CELF2: variants seen among roughly 807,000 people sequenced by gnomAD.
The protein encoded by CELF2 is CUGBP Elav-like family member 2.
A neutral mutation model predicts 62.6 loss-of-function variants in CELF2; 8 were observed. The observed-to-expected ratio is 0.13, with a 90% CI of 0.07 to 0.23. The LOEUF (loss-of-function observed/expected upper bound fraction) is 0.23, where lower values mean the gene tolerates loss of function less well. Ranked by LOEUF, CELF2 falls within the 10% of genes least tolerant of loss-of-function variation. The pLI, the probability that CELF2 is intolerant of heterozygous loss-of-function variation, is 1.00. For synonymous variants in CELF2, 258 were observed against 250.0 expected, an observed-to-expected ratio of 1.03 and a Z score of -0.30; for missense variants, 333 against 671.0, an observed-to-expected ratio of 0.50 and a Z score of 5.56.
chr10:10,969,882 G>C (rs557291546), intron 2 of CELF2, among the ~76,000 whole-genome samples: 61 of 152,272 alleles, frequency 4.0e-4, no homozygotes, highest in Middle Eastern at 3.4e-3. Context: ...TGGTGTCATA[G>C]TTTACCAATG....
At chr10:10,625,339 G>A in the CELF2 span, among the ~76,000 whole-genome samples, 4 of 152,120 alleles carry the variant, frequency 2.6e-5, no homozygotes, top group Non-Finnish European at 4.4e-5. Context: ...CTTGTACTAC[G>A]GGCAGCTGCC....
At chr10:10,685,375 G>C in the CELF2 span, among the ~76,000 whole-genome samples, 1 of 152,186 alleles carries the variant, frequency 6.6e-6, no homozygotes, top group Non-Finnish European at 1.5e-5. Flanking sequence ...GCTGCCAAAT[G>C]ATGAATCAAA....
the CELF2 span, among the ~76,000 whole-genome samples, chr10:10,788,028 A>G: frequency 6.6e-6 from 1 of 152,232 alleles, no homozygotes; most frequent in African/African-American, 2.4e-5. Flanking sequence ...ATTGCTTAAC[A>G]TCACCTAGAA....
chr10:10,742,422 G>T, the CELF2 span, among the ~76,000 whole-genome samples: 77 of 151,910 alleles, frequency 5.1e-4, no homozygotes, highest in African/African-American at 1.7e-3. Flanking sequence ...TGAGCTCAGG[G>T]GTTCAAGAAC....
chr10:11,177,310 A>T lies in CELF2; in HGVS notation c.271+11628A>T, dbSNP rs1360562802. Reference sequence around the variant, plus strand: ...AATGCAGCATGATGAAAGAAATAAAAGTCTCCTTATTTTTTTACTTTCTGT... The same window carrying T: ...AATGCAGCATGATGAAAGAAATAAATGTCTCCTTATTTTTTTACTTTCTGT... On this transcript the variant is annotated intron_variant, in intron 2 of 12. Transcript: ENST00000633077. The surrounding 1 kb of genome is among the most constrained non-coding windows in gnomAD (Gnocchi z 4.8). 6.6e-6 allele frequency among the ~76,000 whole-genome samples: 1 copy of T among 152,138 alleles called. No individual in the cohort carries two copies. Among genetic ancestry groups the T allele is most frequent in the African/African-American group, 2.4e-5 (1 of 41,414 alleles).
intron 1 of CELF2, among the ~76,000 whole-genome samples, chr10:10,918,828 AG>A (rs2064589318): frequency 6.6e-6 from 1 of 152,150 alleles, no homozygotes; most frequent in Non-Finnish European, 1.5e-5. Flanking sequence ...GACACTAAGG[AG>A]ATTTTATACC....
chr10:10,905,504 G>A (rs1318836646), intron 1 of CELF2, among the ~76,000 whole-genome samples: 2 of 151,476 alleles, frequency 1.3e-5, no homozygotes, highest in Non-Finnish European at 2.9e-5. Flanking sequence ...AGCACTTAGG[G>A]AGGCCAAGGT....
At chr10:11,230,913 T>G (rs1215420162) in intron 3 of CELF2, among the ~76,000 whole-genome samples, 1 of 152,234 alleles carries the variant, frequency 6.6e-6, no homozygotes, top group Non-Finnish European at 1.5e-5. Context: ...TCCTGCTGTT[T>G]CATCATTCAC....
intron 3 of CELF2, among the ~76,000 whole-genome samples, chr10:11,232,652 G>C (rs1324321564): frequency 6.6e-6 from 1 of 152,168 alleles, no homozygotes; most frequent in Non-Finnish European, 1.5e-5. Flanking sequence ...ATGTTGCCTT[G>C]ATGATGTTGC....
chr10:10,962,163 A>C (rs2049582950), intron 2 of CELF2, among the ~76,000 whole-genome samples: 1 of 152,310 alleles, frequency 6.6e-6, no homozygotes, highest in Non-Finnish European at 1.5e-5. Context: ...AGACGAGAAA[A>C]GAAAAGAAAA....
At chr10:10,816,824 T>C (rs963540457) in intron 1 of CELF2, among the ~76,000 whole-genome samples, 8 of 152,246 alleles carry the variant, frequency 5.3e-5, no homozygotes, top group Non-Finnish European at 1.0e-4. Context: ...GCAGATACTC[T>C]TTTAAAAAGA....
chr10:11,216,576 A>G (rs1377844441), intron 2 of CELF2, among the ~76,000 whole-genome samples: 1 of 152,244 alleles, frequency 6.6e-6, no homozygotes, highest in Non-Finnish European at 1.5e-5. Context: ...CAATATCTTT[A>G]TCTACAAGTT....
At position 10,934,665 on chromosome 10, in the gene CELF2, T is replaced by A. The variant is rs926694299; in HGVS notation, c.89+14666T>A. The stretch of plus-strand genomic sequence containing the variant: ...CTAGGGATGTCTGGAGGAAGAGGCA[T>A]TCATTGGAAATGCAGAGCTAGAAAG... On this transcript the variant is annotated intron_variant, in intron 2 of 13. Coordinates refer to the CELF2 transcript ENST00000636488. The surrounding 1 kb of genome is among the most constrained non-coding windows in gnomAD (Gnocchi z 4.4). 5.3e-5 allele frequency: 8 copies of A among 152,252 alleles called. No individual in the cohort carries two copies. Among genetic ancestry groups the A allele is most frequent in the African/African-American group, 1.7e-4 (7 of 41,454 alleles). 9.4% of individuals were successfully genotyped at this position (152,252 alleles called of 1,614,324 possible).
the CELF2 span, among the ~76,000 whole-genome samples, chr10:10,710,203 TG>T: frequency 6.6e-6 from 1 of 152,192 alleles, no homozygotes; most frequent in Non-Finnish European, 1.5e-5. Context: ...CACTAGAGCA[TG>T]GGGCACACTG....
At chr10:10,639,782 A>G in the CELF2 span, among the ~76,000 whole-genome samples, 1 of 152,282 alleles carries the variant, frequency 6.6e-6, no homozygotes, top group Non-Finnish European at 1.5e-5. Context: ...ATTATATTTC[A>G]TTGTGAGGCC....
upstream of CELF2, among the ~76,000 whole-genome samples, chr10:10,795,425 G>A (rs1341441474): frequency 6.6e-6 from 1 of 152,124 alleles, no homozygotes; most frequent in Non-Finnish European, 1.5e-5. Flanking sequence ...ATTTGGGGCT[G>A]AAGTTTATTA....
chr10:10,985,761 CTT>C (rs1220546550), intron 2 of CELF2, among the ~76,000 whole-genome samples: 1 of 152,340 alleles, frequency 6.6e-6, no homozygotes, highest in South Asian at 2.1e-4. Context: ...CCTTCCCTCT[CTT>C]GTTTCTTCTT....
chr10:10,497,690 C>A, the CELF2 span, among the ~76,000 whole-genome samples: 1 of 152,080 alleles, frequency 6.6e-6, no homozygotes, highest in Non-Finnish European at 1.5e-5. Flanking sequence ...GGCCATGGAG[C>A]AGGGGTCTGC....
rs548767806 is a variant in CELF2, at chr10:11,218,516, C to T, written c.354+1009C>T. ...GCATTTGTATGATTCATCCTAGACTCGTTCACAATACAAGATCGTAGTGGC... is the reference window on the plus strand; with the variant it reads ...GCATTTGTATGATTCATCCTAGACTTGTTCACAATACAAGATCGTAGTGGC... On this transcript the variant is annotated intron_variant, in intron 3 of 12. Coordinates refer to ENST00000633077, the MANE Select transcript of CELF2 (RefSeq NM_001326342.2). 3.3e-5 allele frequency among the ~76,000 whole-genome samples: 5 copies of T among 152,292 alleles called. No homozygotes were observed. In the South Asian group the frequency reaches 1.0e-3, roughly 32 times the overall value.
Sources: allele counts gnomAD v4.1 joint callset (sites outside exome capture counted in the v4.1 genomes callset), GRCh38; gene constraint gnomAD v4.1.1; non-coding constraint Gnocchi (gnomAD v3.1); transcripts MANE v1.5; gene names NCBI Gene and HGNC (gene_info 2026-07-23, HGNC 2026-07-21).